GRID1: variants seen among roughly 807,000 people sequenced by gnomAD.
GRID1 encodes the protein glutamate receptor ionotropic, delta-1.
GRID1 carries 28 observed loss-of-function variants against 98.0 expected under a neutral mutation model. The ratio of observed to expected loss-of-function variants is 0.29; its 90% CI spans 0.21 to 0.39. GRID1 has a LOEUF of 0.39. Among genes scored for constraint, GRID1 ranks in the 10% least tolerant of loss-of-function variants. The probability of loss-of-function intolerance (pLI) is 1.00; values close to 1 mark genes in which losing one functional copy is unlikely to be tolerated. For synonymous variants in GRID1, 553 were observed against 538.5 expected, an observed-to-expected ratio of 1.03 and a Z score of -0.37; for missense variants, 1,111 against 1,340.5, an observed-to-expected ratio of 0.83 and a Z score of 2.67.
intron 2 of GRID1, among the ~76,000 whole-genome samples, chr10:86,308,156 G>A (rs1380073245): frequency 1.3e-5 from 2 of 151,936 alleles, no homozygotes; most frequent in African/African-American, 4.8e-5. Context: ...CTGCCATCCT[G>A]CCCATCTTGA....
At chr10:86,109,596 C>A (rs1844446071) in intron 4 of GRID1, among the ~76,000 whole-genome samples, 1 of 152,212 alleles carries the variant, frequency 6.6e-6, no homozygotes, top group African/African-American at 2.4e-5. Context: ...GCCAGGCCTG[C>A]CATTGGACAT....
chr10:85,988,490 C>A (rs1047015619), intron 4 of GRID1, among the ~76,000 whole-genome samples: 8 of 152,340 alleles, frequency 5.3e-5, no homozygotes, highest in African/African-American at 1.9e-4. Context: ...CATTTTCACA[C>A]TTGCCTGAAA....
chr10:86,092,765 TAGAC>T (rs1844167585), intron 4 of GRID1, among the ~76,000 whole-genome samples: 1 of 152,026 alleles, frequency 6.6e-6, no homozygotes, highest in Non-Finnish European at 1.5e-5. Context: ...AGAAATGAGA[TAGAC>T]AGCAACACAA....
intron 12 of GRID1, among the ~76,000 whole-genome samples, chr10:85,698,484 C>A (rs1841417145): frequency 6.6e-6 from 1 of 152,168 alleles, no homozygotes; most frequent in South Asian, 2.1e-4. Flanking sequence ...TTTTTTCAAC[C>A]TGATAGCTCA....
chr10:85,934,175 T>A (rs766940276), intron 4 of GRID1, among the ~76,000 whole-genome samples: 2 of 151,864 alleles, frequency 1.3e-5, no homozygotes, highest in Non-Finnish European at 2.9e-5. Context: ...ACGGGAGAAG[T>A]GAGAGCAAGC....
intron 2 of GRID1, among the ~76,000 whole-genome samples, chr10:86,342,309 G>C (rs1848321216): frequency 6.6e-6 from 1 of 152,216 alleles, no homozygotes; most frequent in African/African-American, 2.4e-5. Flanking sequence ...CCACACAGCA[G>C]TGCTGGGCCA....
chr10:86,005,584 C>G lies in GRID1; in HGVS notation c.727-89345G>C, dbSNP rs1022146081. On this transcript the variant is annotated intron_variant, in intron 4 of 15. Coordinates refer to ENST00000327946, the MANE Select transcript of GRID1 (RefSeq NM_017551.3). ...ATAAAAATCACTGATAAATTAACCA[C>G]CAGGATGAGATAAGGGATCCCACAC... Among the ~76,000 whole-genome samples, 4 of 152,264 alleles carry G rather than the reference C, an allele frequency of 2.6e-5. No homozygotes were observed. The South Asian group carries it at 6.2e-4, about 24-fold the overall frequency.
intron 5 of GRID1, among the ~76,000 whole-genome samples, chr10:85,880,342 T>C (rs1589285598): frequency 6.6e-6 from 1 of 152,098 alleles, no homozygotes; most frequent in South Asian, 2.1e-4. Flanking sequence ...TAGACCAATA[T>C]CCTTGATGAA....
At chr10:86,299,280 C>T (rs1390904993) in intron 2 of GRID1, among the ~76,000 whole-genome samples, 1 of 150,700 alleles carries the variant, frequency 6.6e-6, no homozygotes, top group African/African-American at 2.4e-5. Flanking sequence ...CAGCATCTCC[C>T]CATTCTCCCT....
intron 3 of GRID1, among the ~76,000 whole-genome samples, chr10:86,200,377 G>A (rs150548941): frequency 0.014 from 2,142 of 152,246 alleles, 50 homozygotes; most frequent in African/African-American, 0.049. Flanking sequence ...GAAAAGACTG[G>A]CCCAAAGGCA....
chr10:86,357,257 T>C (rs917852875), intron 2 of GRID1, among the ~76,000 whole-genome samples: 3 of 152,214 alleles, frequency 2.0e-5, no homozygotes, highest in African/African-American at 7.2e-5. Context: ...AGCTGAGATG[T>C]TGGACACAGA....
At chr10:86,252,411 C>T (rs187634034) in intron 2 of GRID1, among the ~76,000 whole-genome samples, 3 of 152,322 alleles carry the variant, frequency 2.0e-5, no homozygotes, top group Non-Finnish European at 4.4e-5. Flanking sequence ...CTGCAGCAAG[C>T]CTAGTACATC....
At chr10:86,086,837 CAGGAGCTCATGGAACAGA>C (rs1446693426) in intron 4 of GRID1, among the ~76,000 whole-genome samples, 1 of 152,082 alleles carries the variant, frequency 6.6e-6, no homozygotes, top group Non-Finnish European at 1.5e-5. Context: ...TTTGAAAGTC[CAGGAGCTCATGGAACAGA>C]AGGAGCTCAT....
intron 5 of GRID1, among the ~76,000 whole-genome samples, chr10:85,915,286 G>A (rs557977772): frequency 1.3e-5 from 2 of 151,914 alleles, no homozygotes; most frequent in South Asian, 4.2e-4. Context: ...ACAGATATAT[G>A]CACTTTCATA....
chr10:85,617,098 C>T (rs1842798641), intron 14 of GRID1, among the ~76,000 whole-genome samples: 1 of 152,186 alleles, frequency 6.6e-6, no homozygotes, highest in African/African-American at 2.4e-5. Flanking sequence ...CCACATAAGG[C>T]TGGGACCTGT....
In GRID1 at chr10:85,839,069, G is replaced by A. The variant is rs572521364; in HGVS notation, c.1233+15427C>T. Among the ~76,000 whole-genome samples the A allele has an allele frequency of 1.1e-4, 17 of 152,280 alleles. No individual in the cohort carries two copies. The South Asian group carries it at 3.5e-3, about 32-fold the overall frequency. On this transcript the variant is annotated intron_variant, in intron 8 of 15. Coordinates refer to ENST00000327946, the MANE Select transcript of GRID1 (RefSeq NM_017551.3). ...AAGAAGTACATTGCATAATGGTAAAGTGTTCAATTCGGTGAGAAGATCTAA... is the reference window on the plus strand; with the variant it reads ...AAGAAGTACATTGCATAATGGTAAAATGTTCAATTCGGTGAGAAGATCTAA...
intron 2 of GRID1, among the ~76,000 whole-genome samples, chr10:86,264,088 A>G (rs1847065257): frequency 6.6e-6 from 1 of 152,036 alleles, no homozygotes; most frequent in Admixed American, 6.5e-5. Flanking sequence ...CATTCACCTC[A>G]TTTTCATTGC....
intron 12 of GRID1, among the ~76,000 whole-genome samples, chr10:85,701,983 T>C (rs1409431356): frequency 6.6e-6 from 1 of 152,076 alleles, no homozygotes; most frequent in Non-Finnish European, 1.5e-5. Flanking sequence ...CATGAAGATA[T>C]TTCCAAATTA....
chr10:86,364,021 T>C lies in GRID1; in HGVS notation c.155A>G (p.Asp52Gly), dbSNP rs1848640617. The change falls in exon 2 of 16, where the codon GAT (aspartate) becomes GGT (glycine). Residue 52 changes from aspartate to glycine, a missense_variant. Asp to Gly is a moderately conservative substitution (Grantham distance 94). This residue lies in a region of GRID1 where 346 missense variants were observed against 452.3 expected (regional missense o/e 0.76). Transcript: ENST00000327946. ...QLAVSDLSLN[D>G]DILQSEKITY... ...GATCTTCTCGCTCTGCAGGATGTCA[T>C]CGTTGAGGCTCAGGTCGGATACCGC... The C allele has an allele frequency of 6.2e-7, 1 of 1,613,862 alleles. No homozygotes were observed. Among genetic ancestry groups the C allele is most frequent in the Non-Finnish European group, 8.5e-7 (1 of 1,179,830 alleles).
Sources: allele counts gnomAD v4.1 joint callset (sites outside exome capture counted in the v4.1 genomes callset), GRCh38; gene constraint gnomAD v4.1.1; regional missense constraint gnomAD v4.1.1; transcripts MANE v1.5; gene names NCBI Gene and HGNC (gene_info 2026-07-23, HGNC 2026-07-21).